The following TASP1 variants were observed in gnomAD, a reference collection of about 807,000 sequenced individuals.
The protein encoded by TASP1 is threonine aspartase 1.
A neutral mutation model predicts 56.6 loss-of-function variants in TASP1; 16 were observed. That is an observed-to-expected ratio of 0.28 (90% CI 0.19 to 0.43). The LOEUF (loss-of-function observed/expected upper bound fraction) is 0.43, where lower values mean the gene tolerates loss of function less well. Ranked by LOEUF, TASP1 falls within the 20% of genes least tolerant of loss-of-function variation. TASP1 has a pLI of 1.00. For synonymous variants in TASP1, 179 were observed against 184.2 expected, an observed-to-expected ratio of 0.97 and a Z score of 0.23; for missense variants, 393 against 511.6, an observed-to-expected ratio of 0.77 and a Z score of 2.24.
At chr20:13,256,395 C>CA in the TASP1 span, among the ~76,000 whole-genome samples, 4,904 of 71,020 alleles carry the variant, frequency 0.069, 219 homozygotes, top group African/African-American at 0.13. Context: ...GACCCCGTCT[C>CA]AAAAAAAAAA....
chr20:13,578,860 T>C (rs2047018416), intron 6 of TASP1, among the ~76,000 whole-genome samples: 1 of 152,200 alleles, frequency 6.6e-6, no homozygotes, highest in South Asian at 2.1e-4. Flanking sequence ...TATATAACAG[T>C]ATCATGCTAT....
At chr20:13,221,552 TGCGGCG>T in the TASP1 span, among the ~76,000 whole-genome samples, 11 of 141,586 alleles carry the variant, frequency 7.8e-5, no homozygotes, top group South Asian at 4.5e-4. Flanking sequence ...TCCGCCGTGG[TGCGGCG>T]GCGGCGGCGG....
chr20:13,314,818 T>C, the TASP1 span, among the ~76,000 whole-genome samples: 8 of 152,138 alleles, frequency 5.3e-5, no homozygotes, highest in African/African-American at 1.9e-4. Flanking sequence ...TGCACATATC[T>C]ATATCTATCT....
chr20:13,408,709 T>C (rs1035191435), intron 13 of TASP1, among the ~76,000 whole-genome samples: 2 of 152,166 alleles, frequency 1.3e-5, no homozygotes, highest in Non-Finnish European at 2.9e-5. Flanking sequence ...ATTTTTTGTG[T>C]TTAGTTTGTT....
At chr20:13,483,411 C>T (rs1407231308) in intron 10 of TASP1, 74 bp from the exon 11 acceptor site, 5 of 891,220 alleles carry the variant, frequency 5.6e-6, no homozygotes, top group Admixed American at 2.8e-5. Flanking sequence ...AGCATTAGAA[C>T]ACCCTTATGC....
intron 4 of TASP1, among the ~76,000 whole-genome samples, chr20:13,600,117 G>A (rs1298025261): frequency 6.6e-6 from 1 of 152,034 alleles, no homozygotes; most frequent in Non-Finnish European, 1.5e-5. Flanking sequence ...AAATAATCTT[G>A]AGAGATATTT....
At chr20:13,179,428 T>C in the TASP1 span, among the ~76,000 whole-genome samples, 1 of 151,946 alleles carries the variant, frequency 6.6e-6, no homozygotes, top group Non-Finnish European at 1.5e-5. Context: ...TGTGTGTGTG[T>C]GTGTGTGTGT....
intron 1 of TASP1, among the ~76,000 whole-genome samples, chr20:13,637,734 C>A (rs1454936478): frequency 6.6e-6 from 1 of 152,122 alleles, no homozygotes; most frequent in African/African-American, 2.4e-5. Flanking sequence ...GGAGAGAAAG[C>A]AGAGAATCTA....
At chr20:13,212,269 A>G in the TASP1 span, among the ~76,000 whole-genome samples, 1 of 152,172 alleles carries the variant, frequency 6.6e-6, no homozygotes, top group Non-Finnish European at 1.5e-5. Flanking sequence ...TACAAAATGT[A>G]CAGCCACTAA....
chr20:13,345,587 GGGGA>G, the TASP1 span, among the ~76,000 whole-genome samples: 1 of 152,176 alleles, frequency 6.6e-6, no homozygotes, highest in Non-Finnish European at 1.5e-5. Flanking sequence ...ATCTACACTG[GGGGA>G]GGGAGGGAGG....
intron 4 of TASP1, among the ~76,000 whole-genome samples, chr20:13,600,800 C>T (rs1601401865): frequency 6.6e-6 from 1 of 152,110 alleles, no homozygotes; most frequent in Non-Finnish European, 1.5e-5. Flanking sequence ...CACATACATA[C>T]ATACATAGGT....
intron 11 of TASP1, among the ~76,000 whole-genome samples, chr20:13,461,558 C>T (rs2044053085): frequency 6.6e-6 from 1 of 152,126 alleles, no homozygotes; most frequent in South Asian, 2.1e-4. Context: ...AAGGGCCAGG[C>T]AGTAAAATTT....
At chr20:13,121,585 A>T in the TASP1 span, among the ~76,000 whole-genome samples, 1 of 152,266 alleles carries the variant, frequency 6.6e-6, no homozygotes, top group East Asian at 1.9e-4. Flanking sequence ...GAGACCTCTA[A>T]CCCACCCTGA....
chr20:13,159,363 C>T, the TASP1 span, among the ~76,000 whole-genome samples: 1 of 152,138 alleles, frequency 6.6e-6, no homozygotes, highest in Non-Finnish European at 1.5e-5. Context: ...CTGTGCATCC[C>T]TGGGCATGTT....
chr20:13,544,365 C>G (rs1055169077), intron 8 of TASP1, among the ~76,000 whole-genome samples: 2 of 152,212 alleles, frequency 1.3e-5, no homozygotes, highest in Non-Finnish European at 2.9e-5. Flanking sequence ...GCCCATACTA[C>G]ACTTTAGCTC....
At chr20:13,165,121 C>CACAG in the TASP1 span, 1 of 406,992 alleles carries the variant, frequency 2.5e-6, no homozygotes, top group Non-Finnish European at 4.4e-6. Flanking sequence ...CACACACACA[C>CACAG]TTCTGAGAAT....
intron 1 of TASP1, among the ~76,000 whole-genome samples, chr20:13,632,586 T>C (rs1212028918): frequency 2.6e-5 from 4 of 152,148 alleles, no homozygotes; most frequent in Non-Finnish European, 4.4e-5. Flanking sequence ...TGAAATATAT[T>C]TATTTAGCAA....
chr20:13,139,480 T>C, the TASP1 span, among the ~76,000 whole-genome samples: 8 of 152,222 alleles, frequency 5.3e-5, no homozygotes, highest in African/African-American at 1.9e-4. Context: ...TTCCATTTTG[T>C]AGCTCCTCCA....
At chr20:13,143,155 G>A in the TASP1 span, among the ~76,000 whole-genome samples, 1 of 152,192 alleles carries the variant, frequency 6.6e-6, no homozygotes, top group Admixed American at 6.5e-5. Flanking sequence ...TGGAGGACAT[G>A]TCTTGGGCAC....
Sources: allele counts gnomAD v4.1 joint callset (sites outside exome capture counted in the v4.1 genomes callset), GRCh38; gene constraint gnomAD v4.1.1; transcripts MANE v1.5; gene names NCBI Gene and HGNC (gene_info 2026-07-23, HGNC 2026-07-21).